EML1: variants seen among roughly 807,000 people sequenced by gnomAD.
EML1 encodes echinoderm microtubule-associated protein-like 1.
EML1 carries 27 observed loss-of-function variants against 110.4 expected under a neutral mutation model. The observed-to-expected ratio is 0.24, with a 90% CI of 0.18 to 0.34. EML1 has a LOEUF of 0.34. EML1 is among the 10% of genes least tolerant of loss of function. EML1 has a pLI of 1.00. For missense variants in EML1, 741 were observed against 1,030.9 expected, an observed-to-expected ratio of 0.72 and a Z score of 3.85; for synonymous variants, 344 against 385.8, an observed-to-expected ratio of 0.89 and a Z score of 1.27.
intron 9 of EML1, among the ~76,000 whole-genome samples, chr14:99,906,665 A>G (rs2059852953): frequency 6.6e-6 from 1 of 152,228 alleles, no homozygotes; most frequent in Non-Finnish European, 1.5e-5. Context: ...CCATCTGGGA[A>G]TGCAGCCCAG....
At chr14:99,935,041 G>T (rs1002196502) in intron 17 of EML1, among the ~76,000 whole-genome samples, 5 of 152,232 alleles carry the variant, frequency 3.3e-5, no homozygotes, top group African/African-American at 1.2e-4. Context: ...GCAGAGGCCT[G>T]AGTGAACCCG....
chr14:99,746,821 C>A (rs972813450), intron 1 of EML1, among the ~76,000 whole-genome samples: 3 of 152,134 alleles, frequency 2.0e-5, no homozygotes, highest in Non-Finnish European at 4.4e-5. Context: ...GTGTCCCCAC[C>A]CCTCGAGCAG....
chr14:99,939,280 G>A lies in EML1; in HGVS notation c.2275G>A (p.Asp759Asn), dbSNP rs778393782. ...HEKKLLSTGD[D>N]FGKVHLFSYP... ...GAAGAAACTCCTGTCAACAGGCGAC[G>A]ACTTTGGCAAAGTGCACCTCTTCTC... Residue 759 changes from aspartate to asparagine, a missense_variant, in exon 21 of 22, where the codon GAC (aspartate) becomes AAC (asparagine). Asp to Asn is a conservative substitution (Grantham distance 23). This residue lies in a region of EML1 where 114 missense variants were observed against 122.5 expected (regional missense o/e 0.93). Coordinates refer to ENST00000262233, the MANE Select transcript of EML1 (RefSeq NM_004434.3). This position sits in a 1 kb window ranked among gnomAD's most constrained non-coding sequence, Gnocchi z 4.2. 10 of 1,614,222 alleles carry A rather than the reference G, an allele frequency of 6.2e-6. No individual in the cohort carries two copies. The East Asian group carries it at 6.7e-5, about 11-fold the overall frequency.
chr14:99,776,354 A>G (rs2057482402), intron 1 of EML1, among the ~76,000 whole-genome samples: 1 of 152,090 alleles, frequency 6.6e-6, no homozygotes, highest in Admixed American at 6.5e-5. Context: ...AATACAAACA[A>G]TTAGCAGGGT....
Position 99,850,849 on chromosome 14 carries a change from T to G in EML1, c.68-4T>G, listed in dbSNP as rs1259162035. On this transcript the variant is annotated splice_region_variant and splice_polypyrimidine_tract_variant and intron_variant, in intron 1 of 21. Transcript: ENST00000262233. Reference sequence around the variant, plus strand: ...AAGCTCACTTGATCCTTTCTTTGGTTTAGATGACAGCGCTTCTGCTGCAAG... The same window carrying G: ...AAGCTCACTTGATCCTTTCTTTGGTGTAGATGACAGCGCTTCTGCTGCAAG... The G allele has an allele frequency of 6.2e-7, 1 of 1,612,398 alleles. No individual in the cohort carries two copies. Among genetic ancestry groups the G allele is most frequent in the Admixed American group, 1.7e-5 (1 of 59,942 alleles).
At chr14:99,889,764 T>C (rs1377946032) in intron 4 of EML1, among the ~76,000 whole-genome samples, 1 of 152,188 alleles carries the variant, frequency 6.6e-6, no homozygotes, top group Non-Finnish European at 1.5e-5. Context: ...AGGTGCAGAT[T>C]GGATAGGGCC....
chr14:99,883,768 T>C (rs2059428566), intron 4 of EML1, among the ~76,000 whole-genome samples: 1 of 152,206 alleles, frequency 6.6e-6, no homozygotes, highest in Non-Finnish European at 1.5e-5. Context: ...AAATGCACTC[T>C]TGCAATGTTA....
intron 1 of EML1, among the ~76,000 whole-genome samples, chr14:99,848,824 G>T (rs115351975): frequency 6.6e-6 from 1 of 151,990 alleles, no homozygotes; most frequent in East Asian, 1.9e-4. Context: ...TTAGCCAAGC[G>T]TGGTGGGGTG....
At chr14:99,902,809 G>A (rs1301670444) in intron 9 of EML1, among the ~76,000 whole-genome samples, 1 of 152,178 alleles carries the variant, frequency 6.6e-6, no homozygotes, top group African/African-American at 2.4e-5. Context: ...CTGGGCCTGT[G>A]AGAAAGTGAC....
upstream of EML1, among the ~76,000 whole-genome samples, chr14:99,769,273 G>A (rs1274986250): frequency 6.6e-6 from 1 of 152,196 alleles, no homozygotes; most frequent in African/African-American, 2.4e-5. Flanking sequence ...AGCAGGTGCT[G>A]AGCACTCGGG....
At chr14:99,888,161 C>T (rs1306219082) in intron 4 of EML1, among the ~76,000 whole-genome samples, 2 of 152,194 alleles carry the variant, frequency 1.3e-5, no homozygotes, top group East Asian at 3.8e-4. Flanking sequence ...TTAGTACCAC[C>T]TGATACCTCC....
intron 1 of EML1, among the ~76,000 whole-genome samples, chr14:99,808,528 A>G (rs1056530919): frequency 5.9e-5 from 9 of 152,186 alleles, no homozygotes; most frequent in African/African-American, 2.2e-4. Flanking sequence ...CATGGATCAC[A>G]TATATTATAT....
rs1430655122 is a variant in EML1 at position 99,898,489 on chromosome 14, C to T, written c.897+187C>T. On this transcript the variant is annotated intron_variant, in intron 8 of 21. Coordinates refer to ENST00000262233, the MANE Select transcript of EML1 (RefSeq NM_004434.3). The stretch of plus-strand genomic sequence containing the variant: ...TTGTGTGGCAGGGTGCGGTGGCTCA[C>T]GCCTGTAATCCCAGCACTTTGGGAT... Among the ~76,000 whole-genome samples, 6 of 152,264 alleles carry T rather than the reference C, an allele frequency of 3.9e-5. No homozygotes were observed. In the East Asian group the frequency reaches 7.7e-4, roughly 20 times the overall value.
upstream of EML1, chr14:99,793,191 G>A (rs921847764): frequency 8.0e-4 from 258 of 322,486 alleles, no homozygotes; most frequent in African/African-American, 5.7e-3. Flanking sequence ...CGCGGGGAAA[G>A]AGGCCGCAGG....
intron 3 of EML1, chr14:99,874,833 G>T (rs1039005839): frequency 8.6e-5 from 96 of 1,113,336 alleles, no homozygotes; most frequent in Non-Finnish European, 1.2e-4. Context: ...TGATGTGTGC[G>T]TCCTGCAATT....
chr14:99,800,608 G>T (rs931695480), intron 1 of EML1, among the ~76,000 whole-genome samples: 1 of 152,160 alleles, frequency 6.6e-6, no homozygotes, highest in Non-Finnish European at 1.5e-5. Flanking sequence ...AGATCCTCCT[G>T]CCTTGGCTTC....
intron 1 of EML1, among the ~76,000 whole-genome samples, chr14:99,782,384 G>A (rs572224710): frequency 8.5e-5 from 13 of 152,324 alleles, no homozygotes; most frequent in Admixed American, 5.2e-4. Context: ...TGGAGCCAGC[G>A]CCTGATGGTG....
chr14:99,860,227 G>T (rs1036311976), intron 2 of EML1, among the ~76,000 whole-genome samples: 2 of 152,096 alleles, frequency 1.3e-5, no homozygotes, highest in Non-Finnish European at 2.9e-5. Flanking sequence ...TCCTTTTGGT[G>T]CTGTGTTTGT....
intron 1 of EML1, among the ~76,000 whole-genome samples, chr14:99,763,471 C>T (rs1363439223): frequency 6.6e-6 from 1 of 152,160 alleles, no homozygotes; most frequent in Non-Finnish European, 1.5e-5. Flanking sequence ...TTGGTACCTT[C>T]ACAAGGTGGG....
Sources: gnomAD v4.1 joint callset for allele counts (sites outside exome capture counted in the v4.1 genomes callset) on GRCh38, gnomAD v4.1.1 for gene constraint, gnomAD v4.1.1 regional missense constraint, Gnocchi (gnomAD v3.1) non-coding constraint, MANE v1.5 for transcripts, NCBI Gene and HGNC (gene_info 2026-07-23, HGNC 2026-07-21) for gene names.